Variants in KLF12 observed in about 807,000 individuals in gnomAD.
The protein encoded by KLF12 is Krueppel-like factor 12.
A neutral mutation model predicts 37.8 loss-of-function variants in KLF12; 9 were observed. The observed-to-expected ratio is 0.24, with a 90% CI of 0.14 to 0.42. The LOEUF (loss-of-function observed/expected upper bound fraction) is 0.42, where lower values mean the gene tolerates loss of function less well. Among genes scored for constraint, KLF12 ranks in the 10% least tolerant of loss-of-function variants. The pLI, the probability that KLF12 is intolerant of heterozygous loss-of-function variation, is 1.00. For synonymous variants in KLF12, 208 were observed against 202.1 expected (o/e 1.03, Z -0.25); for missense variants, 411 against 516.0 (o/e 0.80, Z 1.97).
chr13:74,254,387 A>G, the KLF12 span, among the ~76,000 whole-genome samples: 1 of 152,212 alleles, frequency 6.6e-6, no homozygotes, highest in African/African-American at 2.4e-5. Flanking sequence ...AAGGATGATA[A>G]CATTAATACT....
chr13:74,148,403 C>CTTTTTTTTTTTT, the KLF12 span, among the ~76,000 whole-genome samples: 2 of 73,484 alleles, frequency 2.7e-5, no homozygotes, highest in African/African-American at 5.4e-5. Flanking sequence ...CAAAACTGCT[C>CTTTTTTTTTTTT]TTTTTTTTTT....
chr13:74,150,205 T>C, the KLF12 span, among the ~76,000 whole-genome samples: 565 of 152,346 alleles, frequency 3.7e-3, 5 homozygotes, highest in African/African-American at 0.013. Flanking sequence ...AATATATATC[T>C]ACTGAATTAT....
In KLF12 at chr13:73,882,769, G is replaced by C. The variant is rs553223741; in HGVS notation, c.124-36396C>G. Among the ~76,000 whole-genome samples the C allele has an allele frequency of 1.9e-4, 29 of 152,214 alleles. No homozygotes were observed. The South Asian group carries it at 5.6e-3, about 29-fold the overall frequency. On this transcript the variant is annotated intron_variant, in intron 3 of 7. Transcript: ENST00000377669. ...CTTAAAAACATTACAAAAGAATTAC[G>C]AATATTTCAAACCAGAAGCAATACA... is the stretch of plus-strand genomic sequence containing the variant.
chr13:73,999,472 G>A (rs543348844), intron 1 of KLF12, among the ~76,000 whole-genome samples: 10 of 152,164 alleles, frequency 6.6e-5, no homozygotes, highest in South Asian at 2.1e-4. Flanking sequence ...AGTGGCTCAC[G>A]CCTGTAATCC....
At position 73,846,290 on chromosome 13, in the gene KLF12, C is replaced by A. The variant is rs189548395; in HGVS notation, c.207G>T (p.Ser69=). Residue 69 remains serine (S), a synonymous_variant, in exon 4 of 8, where the codon TCG becomes TCT. Coordinates refer to ENST00000377669, the MANE Select transcript of KLF12 (RefSeq NM_007249.5). ...GTGTTTGGAAGTGATCTACAGATAA[C>A]GAGTCCTCCGGGGGCTCCCCTTTCA... 6.2e-7 allele frequency: 1 copy of A among 1,613,922 alleles called. No individual in the cohort carries two copies. Among genetic ancestry groups the A allele is most frequent in the Non-Finnish European group, 8.5e-7 (1 of 1,179,992 alleles).
chr13:74,232,031 T>C, the KLF12 span, among the ~76,000 whole-genome samples: 4 of 152,220 alleles, frequency 2.6e-5, no homozygotes, highest in Non-Finnish European at 5.9e-5. Context: ...CTAGAAGCTA[T>C]GTTTACTATA....
At chr13:74,129,043 A>G (rs1878111224) in intron 1 of KLF12, among the ~76,000 whole-genome samples, 1 of 152,206 alleles carries the variant, frequency 6.6e-6, no homozygotes, top group Non-Finnish European at 1.5e-5. Context: ...TATATACAGT[A>G]TGTAGTCATT....
At chr13:74,071,390 T>G (rs1874226581) in intron 1 of KLF12, among the ~76,000 whole-genome samples, 1 of 152,110 alleles carries the variant, frequency 6.6e-6, no homozygotes, top group African/African-American at 2.4e-5. Context: ...TCATCAAGTT[T>G]TAAGAAATGA....
chr13:74,186,568 T>C, the KLF12 span, among the ~76,000 whole-genome samples: 20 of 152,276 alleles, frequency 1.3e-4, no homozygotes, highest in South Asian at 2.5e-3. Context: ...AGACACATCA[T>C]CTCAGTGATA....
intron 1 of KLF12, among the ~76,000 whole-genome samples, chr13:74,028,822 A>C (rs905803748): frequency 1.4e-4 from 13 of 91,854 alleles, no homozygotes; most frequent in African/African-American, 4.5e-4. Flanking sequence ...ATATAAGAAA[A>C]AGAGAAAGAA....
chr13:74,196,283 C>A, the KLF12 span, among the ~76,000 whole-genome samples: 1 of 152,158 alleles, frequency 6.6e-6, no homozygotes, highest in Admixed American at 6.5e-5. Context: ...AGCAGGCTTC[C>A]TCTGACTTCT....
intron 3 of KLF12, among the ~76,000 whole-genome samples, chr13:73,908,073 A>G (rs955664525): frequency 1.3e-5 from 2 of 152,066 alleles, no homozygotes; most frequent in Non-Finnish European, 2.9e-5. Context: ...TTCAATGTCT[A>G]CCTATTAGAA....
chr13:74,185,078 T>A, the KLF12 span, among the ~76,000 whole-genome samples: 1 of 152,210 alleles, frequency 6.6e-6, no homozygotes, highest in African/African-American at 2.4e-5. Flanking sequence ...CCTGGGAACT[T>A]ATCTACTCTG....
intron 6 of KLF12, among the ~76,000 whole-genome samples, chr13:73,745,499 C>T (rs1878300058): frequency 6.6e-6 from 1 of 152,092 alleles, no homozygotes; most frequent in Non-Finnish European, 1.5e-5. Flanking sequence ...AATTATTATC[C>T]TTAAAATATA....
At chr13:73,885,878 T>A (rs1248001412) in intron 3 of KLF12, among the ~76,000 whole-genome samples, 2 of 152,198 alleles carry the variant, frequency 1.3e-5, no homozygotes, top group African/African-American at 4.8e-5. Flanking sequence ...CTAATCCAGA[T>A]AAAAGGCATT....
intron 4 of KLF12, among the ~76,000 whole-genome samples, chr13:73,841,744 A>C (rs1412209512): frequency 6.6e-6 from 1 of 152,148 alleles, no homozygotes; most frequent in Non-Finnish European, 1.5e-5. Context: ...TTACTTTTGC[A>C]CCAACGTAAT....
At chr13:73,867,201 C>T (rs1566426984) in intron 3 of KLF12, among the ~76,000 whole-genome samples, 1 of 151,576 alleles carries the variant, frequency 6.6e-6, no homozygotes, top group African/African-American at 2.4e-5. Context: ...TGTAGTAACT[C>T]TTAAATATAA....
At chr13:73,869,655 A>C in intron 3 of KLF12, among the ~76,000 whole-genome samples, 1 of 151,834 alleles carries the variant, frequency 6.6e-6, no homozygotes, top group Non-Finnish European at 1.5e-5. Flanking sequence ...CTGAGTATAT[A>C]TAATATACTC....
At chr13:74,198,114 T>C in the KLF12 span, among the ~76,000 whole-genome samples, 1 of 151,752 alleles carries the variant, frequency 6.6e-6, no homozygotes, top group African/African-American at 2.4e-5. Flanking sequence ...AAAGCAAAGA[T>C]GGGGAATTTT....
Sources: gnomAD v4.1 joint callset for allele counts (sites outside exome capture counted in the v4.1 genomes callset) on GRCh38, gnomAD v4.1.1 for gene constraint, MANE v1.5 for transcripts, NCBI Gene and HGNC (gene_info 2026-07-23, HGNC 2026-07-21) for gene names.